Variants in APBB1IP observed in about 807,000 individuals in gnomAD.
APBB1IP encodes the protein amyloid beta A4 precursor protein-binding family B member 1-interacting protein.
APBB1IP carries 27 observed loss-of-function variants against 64.9 expected under a neutral mutation model. That is an observed-to-expected ratio of 0.42 (90% confidence interval 0.31 to 0.57). APBB1IP has a LOEUF of 0.57. Among genes scored for constraint, APBB1IP ranks in the 20% least tolerant of loss-of-function variants. The pLI is 0.20. For missense variants in APBB1IP, 812 were observed against 845.5 expected (o/e 0.96, Z 0.49); for synonymous variants, 392 against 331.0 (o/e 1.18, Z -2.00).
chr10:26,526,720 AAATAAT>A (rs140315723), intron 8 of APBB1IP, among the ~76,000 whole-genome samples: 2 of 151,414 alleles, frequency 1.3e-5, no homozygotes, highest in East Asian at 3.9e-4. Flanking sequence ...CTCTGTCTCA[AAATAAT>A]AATAATAATA....
At chr10:26,470,884 C>A (rs564478769) in intron 2 of APBB1IP, among the ~76,000 whole-genome samples, 3 of 152,102 alleles carry the variant, frequency 2.0e-5, no homozygotes, top group African/African-American at 7.2e-5. Flanking sequence ...CCAACCTCAG[C>A]CTGCGTCCTT....
chr10:26,444,735 G>C (rs1835373128), intron 2 of APBB1IP, among the ~76,000 whole-genome samples: 1 of 152,158 alleles, frequency 6.6e-6, no homozygotes, highest in South Asian at 2.1e-4. Context: ...TACTGTTATT[G>C]CTCCTATTTT....
intron 14 of APBB1IP, among the ~76,000 whole-genome samples, chr10:26,566,411 T>C (rs1837044601): frequency 6.6e-6 from 1 of 152,140 alleles, no homozygotes; most frequent in Admixed American, 6.5e-5. Context: ...TCTGCCACCA[T>C]ACCAGGCTAA....
At chr10:26,461,028 A>G (rs1835583126) in intron 2 of APBB1IP, among the ~76,000 whole-genome samples, 1 of 152,050 alleles carries the variant, frequency 6.6e-6, no homozygotes, top group South Asian at 2.1e-4. Context: ...ACTGCAAGGG[A>G]GCCTGGGAAA....
chr10:26,549,983 CCTT>C (rs2132475867), intron 11 of APBB1IP, among the ~76,000 whole-genome samples: 1 of 150,772 alleles, frequency 6.6e-6, no homozygotes, highest in East Asian at 1.9e-4. Context: ...GTCTTTATCT[CCTT>C]CATTTCTGAA....
intron 2 of APBB1IP, among the ~76,000 whole-genome samples, chr10:26,457,826 G>A (rs964054011): frequency 6.6e-6 from 1 of 152,100 alleles, no homozygotes; most frequent in East Asian, 1.9e-4. Context: ...TTAGATAACA[G>A]GAATAAGTAT....
rs552573460 is a variant in APBB1IP at position 26,489,867 on chromosome 10, A to G, written c.1-2460A>G. Among the ~76,000 whole-genome samples the G allele has an allele frequency of 2.0e-5, 3 of 152,300 alleles. No individual in the cohort carries two copies. The South Asian group carries it at 6.2e-4, about 32-fold the overall frequency. On this transcript the variant is annotated intron_variant, in intron 2 of 14. Transcript: ENST00000376236. Reference sequence around the variant, plus strand: ...TCATGAAACCCCATCTCTACTAAAAATACGAAAATTAGCCAGGCATAGTGG... The same window carrying G: ...TCATGAAACCCCATCTCTACTAAAAGTACGAAAATTAGCCAGGCATAGTGG...
At chr10:26,496,415 TA>T in intron 4 of APBB1IP, 24 bp downstream of exon 4, 1 of 1,542,120 alleles carries the variant, frequency 6.5e-7, no homozygotes, top group Non-Finnish European at 9.0e-7. Flanking sequence ...TTTCTTTTCT[TA>T]AGTAATTCAA....
intron 2 of APBB1IP, among the ~76,000 whole-genome samples, chr10:26,448,208 A>G (rs574766782): frequency 6.6e-6 from 1 of 151,652 alleles, no homozygotes; most frequent in East Asian, 1.9e-4. Context: ...AGATTATTTC[A>G]TTTTTTTAAT....
At chr10:26,475,482 T>A (rs1164362536) in intron 2 of APBB1IP, among the ~76,000 whole-genome samples, 2 of 152,202 alleles carry the variant, frequency 1.3e-5, no homozygotes, top group Admixed American at 6.5e-5. Flanking sequence ...TGTGTCTAAG[T>A]GTGTGTTCCA....
intron 6 of APBB1IP, among the ~76,000 whole-genome samples, chr10:26,509,290 A>C (rs1836223001): frequency 6.8e-6 from 1 of 146,636 alleles, no homozygotes; most frequent in African/African-American, 2.6e-5. Context: ...GAGATTTTCA[A>C]GGGGGAAAAA....
Position 26,496,319 on chromosome 10 carries a change from A to G in APBB1IP, c.88A>G (p.Thr30Ala). 2 of 1,612,232 alleles carry G rather than the reference A, an allele frequency of 1.2e-6. No individual in the cohort carries two copies. Among genetic ancestry groups the G allele is most frequent in the Non-Finnish European group, 1.7e-6 (2 of 1,178,850 alleles). The change falls in exon 4 of 15, where the codon ACT becomes GCT. Residue 30 changes from threonine to alanine, a missense_variant. By Grantham distance (58) the Thr-to-Ala change is moderately conservative. Coordinates refer to ENST00000376236, the MANE Select transcript of APBB1IP (RefSeq NM_019043.4). The stretch of plus-strand genomic sequence containing the variant: ...TTTTTCACAGAGTTTAGGAGTTGAC[A>G]CTCTCCCTCCTCCTGACCCTAATCC... ...DLLTQSLGVD[T>A]LPPPDPNPPR...
At chr10:26,510,927 C>T (rs1411515447) in intron 6 of APBB1IP, among the ~76,000 whole-genome samples, 1 of 152,124 alleles carries the variant, frequency 6.6e-6, no homozygotes, top group African/African-American at 2.4e-5. Flanking sequence ...TTAACATACG[C>T]TCTGTGGACC....
chr10:26,519,293 A>G (rs1023072728), intron 8 of APBB1IP, among the ~76,000 whole-genome samples: 2 of 152,190 alleles, frequency 1.3e-5, no homozygotes, highest in Non-Finnish European at 2.9e-5. Flanking sequence ...CTCCATCTCA[A>G]AAAGAAAAAA....
intron 2 of APBB1IP, among the ~76,000 whole-genome samples, chr10:26,464,070 C>G (rs1259340470): frequency 6.6e-6 from 1 of 152,180 alleles, no homozygotes. Flanking sequence ...GGGTGTCTGT[C>G]TTGGCTCTGT....
intron 8 of APBB1IP, among the ~76,000 whole-genome samples, chr10:26,528,047 G>C (rs78975449): frequency 1.3e-5 from 2 of 152,022 alleles, no homozygotes; most frequent in African/African-American, 4.8e-5. Flanking sequence ...TTCTTCCCAC[G>C]GTCAATGGGA....
intron 14 of APBB1IP, among the ~76,000 whole-genome samples, 192 bp downstream of exon 14, chr10:26,562,621 G>C (rs1836988274): frequency 1.3e-5 from 2 of 151,824 alleles, no homozygotes; most frequent in South Asian, 4.2e-4. Flanking sequence ...AATATAGCGA[G>C]AGCTTGTCTC....
intron 2 of APBB1IP, among the ~76,000 whole-genome samples, chr10:26,468,209 C>A (rs1835670581): frequency 6.6e-6 from 1 of 152,218 alleles, no homozygotes; most frequent in Non-Finnish European, 1.5e-5. Flanking sequence ...CCAAGAGCAA[C>A]TCCTCATCCC....
intron 11 of APBB1IP, among the ~76,000 whole-genome samples, chr10:26,550,265 G>C (rs1385187502): frequency 6.6e-6 from 1 of 151,846 alleles, no homozygotes; most frequent in Non-Finnish European, 1.5e-5. Context: ...GGTGACCTTT[G>C]ACCTTCCTGT....
Sources: allele counts gnomAD v4.1 joint callset (sites outside exome capture counted in the v4.1 genomes callset), GRCh38; gene constraint gnomAD v4.1.1; transcripts MANE v1.5; gene names NCBI Gene and HGNC (gene_info 2026-07-23, HGNC 2026-07-21).